MOXD1: variants seen among roughly 807,000 people sequenced by gnomAD.
MOXD1 encodes DBH-like monooxygenase protein 1.
Under a neutral mutation model 66.6 loss-of-function variants are expected in MOXD1, and 62 were observed. The ratio of observed to expected loss-of-function variants is 0.93; its 90% CI spans 0.76 to 1.15. MOXD1 has a LOEUF of 1.15. MOXD1 is among the 50% of genes most tolerant of loss of function. The pLI is 0.00. For synonymous variants in MOXD1, 303 were observed against 281.9 expected (o/e 1.07, Z -0.75); for missense variants, 847 against 754.6 (o/e 1.12, Z -1.44).
At chr6:132,351,990 T>G (rs1323691742) in intron 4 of MOXD1, among the ~76,000 whole-genome samples, 2 of 152,226 alleles carry the variant, frequency 1.3e-5, no homozygotes, top group Admixed American at 6.5e-5. Flanking sequence ...CCATTTTGTT[T>G]CTTAATGAGG....
At chr6:132,378,200 T>G (rs1301985092) in intron 1 of MOXD1, among the ~76,000 whole-genome samples, 2 of 152,180 alleles carry the variant, frequency 1.3e-5, no homozygotes, top group Non-Finnish European at 2.9e-5. Context: ...ATCTTCAGAT[T>G]TGACTATAAT....
At chr6:132,381,566 C>A (rs1210253494) in intron 1 of MOXD1, among the ~76,000 whole-genome samples, 1 of 151,978 alleles carries the variant, frequency 6.6e-6, no homozygotes, top group Admixed American at 6.6e-5. Flanking sequence ...AAGCAAGCCA[C>A]TGAAAGCACA....
chr6:132,336,824 C>G (rs1489044515), intron 4 of MOXD1, among the ~76,000 whole-genome samples: 2 of 152,210 alleles, frequency 1.3e-5, no homozygotes, highest in African/African-American at 4.8e-5. Context: ...ATCCCGAATT[C>G]TCATGCGTCT....
chr6:132,400,963 G>A (rs1777009997), intron 1 of MOXD1, among the ~76,000 whole-genome samples, 200 bp downstream of exon 1: 1 of 152,230 alleles, frequency 6.6e-6, no homozygotes, highest in African/African-American at 2.4e-5. Context: ...TCCGTGCTCG[G>A]CTTCCCTACC....
chr6:132,356,523 G>C (rs561558929), intron 4 of MOXD1, among the ~76,000 whole-genome samples: 1 of 152,112 alleles, frequency 6.6e-6, no homozygotes, highest in Non-Finnish European at 1.5e-5. Context: ...GCAATCTAGC[G>C]TATAGGAATG....
At position 132,297,330 on chromosome 6, in the gene MOXD1, G is replaced by A; in HGVS notation, c.1678-13C>T. On this transcript the variant is annotated splice_polypyrimidine_tract_variant and intron_variant, in intron 11 of 11. Coordinates refer to ENST00000367963, the MANE Select transcript of MOXD1 (RefSeq NM_015529.4). ...TCATTCCTTGAATCTGAAAATGGAA[G>A]CACAAACAATGCAAATGAACATCTG... is the stretch of plus-strand genomic sequence containing the variant. 2 of 1,610,916 alleles carry A rather than the reference G, an allele frequency of 1.2e-6. No homozygotes were observed. Among genetic ancestry groups the A allele is most frequent in the Non-Finnish European group, 1.7e-6 (2 of 1,178,256 alleles).
In MOXD1 at chr6:132,370,088, A is replaced by T. The variant is rs191357566; in HGVS notation, c.663+2520T>A. The stretch of plus-strand genomic sequence containing the variant: ...AAATCAATCTTCTCATTTCTGTGAA[A>T]GTACTTTTTGTTTGCAGAAGAAAAG... On this transcript the variant is annotated intron_variant, in intron 4 of 11. Coordinates refer to ENST00000367963, the MANE Select transcript of MOXD1 (RefSeq NM_015529.4). Among the ~76,000 whole-genome samples the T allele has an allele frequency of 1.6e-3, 242 of 152,276 alleles. 1 individual carries two copies. In the South Asian group the frequency reaches 0.016, roughly 10 times the overall value.
At chr6:132,371,947 T>C (rs1199109535) in intron 4 of MOXD1, among the ~76,000 whole-genome samples, 2 of 152,206 alleles carry the variant, frequency 1.3e-5, no homozygotes, top group Non-Finnish European at 2.9e-5. Flanking sequence ...GCATGGATCA[T>C]ACCTTTGGCC....
rs186800074 is a variant in MOXD1 at position 132,349,732 on chromosome 6, C to T, written c.664-21138G>A. On this transcript the variant is annotated intron_variant, in intron 4 of 11. Coordinates refer to ENST00000367963, the MANE Select transcript of MOXD1 (RefSeq NM_015529.4). Reference sequence around the variant, plus strand: ...CATAGTGGCCTTACTAGTTTACATTCCCACCAGCAGTGTAGAAGTGTTCCC... The same window carrying T: ...CATAGTGGCCTTACTAGTTTACATTTCCACCAGCAGTGTAGAAGTGTTCCC... Among the ~76,000 whole-genome samples the T allele has an allele frequency of 3.9e-5, 6 of 151,928 alleles. No homozygotes were observed. In the East Asian group the frequency reaches 5.8e-4, roughly 15 times the overall value.
chr6:132,297,786 C>G lies in MOXD1; in HGVS notation c.1677+1G>C. On this transcript the variant is annotated splice_donor_variant, in intron 11 of 11. Coordinates refer to ENST00000367963, the MANE Select transcript of MOXD1 (RefSeq NM_015529.4). LOFTEE classifies it high-confidence loss of function. ...GTTGTCAGAGGTTAAAAAGAGCTTA[C>G]CGACCACTCAGCATTGTCTGTCTTG... The G allele has an allele frequency of 1.3e-6, 2 of 1,592,096 alleles. No homozygotes were observed. The highest frequency in any genetic ancestry group is 1.7e-6 in the Non-Finnish European group (2 of 1,173,120).
chr6:132,392,313 TA>T (rs1393594292), intron 1 of MOXD1: 8 of 1,587,294 alleles, frequency 5.0e-6, no homozygotes, highest in Non-Finnish European at 6.9e-6. Context: ...TAAGAAATGA[TA>T]ACATATGTTT....
chr6:132,328,687 G>A, intron 4 of MOXD1, 93 bp from the exon 5 acceptor site: 2 of 1,174,856 alleles, frequency 1.7e-6, no homozygotes, highest in Admixed American at 4.7e-5. Flanking sequence ...ATTACTGTCA[G>A]TTTCTCAAAG....
intron 4 of MOXD1, among the ~76,000 whole-genome samples, chr6:132,356,936 T>G (rs981846475): frequency 6.6e-6 from 1 of 152,022 alleles, no homozygotes; most frequent in Non-Finnish European, 1.5e-5. Flanking sequence ...CTACTACTTT[T>G]TATTTTATAT....
chr6:132,349,292 G>T (rs114959401), intron 4 of MOXD1, among the ~76,000 whole-genome samples: 1,651 of 149,298 alleles, frequency 0.011, 33 homozygotes, highest in African/African-American at 0.039. Flanking sequence ...CATCCAGGTT[G>T]CTACAAGTGC....
intron 4 of MOXD1, among the ~76,000 whole-genome samples, chr6:132,332,482 C>A (rs1044944240): frequency 6.6e-6 from 1 of 152,132 alleles, no homozygotes; most frequent in African/African-American, 2.4e-5. Context: ...ACCTGACTAT[C>A]AAACTCCTGA....
intron 1 of MOXD1, among the ~76,000 whole-genome samples, chr6:132,380,164 T>C (rs1367696528): frequency 6.6e-6 from 1 of 152,250 alleles, no homozygotes; most frequent in African/African-American, 2.4e-5. Flanking sequence ...TCATTTTCAC[T>C]GTTCCTATCT....
At chr6:132,344,661 G>A (rs904697168) in intron 4 of MOXD1, among the ~76,000 whole-genome samples, 8 of 151,992 alleles carry the variant, frequency 5.3e-5, no homozygotes, top group South Asian at 4.1e-4. Context: ...GGTGTTTTAC[G>A]CTGTTGTACC....
chr6:132,369,614 A>T (rs908925135), intron 4 of MOXD1, among the ~76,000 whole-genome samples: 3 of 152,076 alleles, frequency 2.0e-5, no homozygotes, highest in Non-Finnish European at 4.4e-5. Context: ...AATAAGGGTG[A>T]CTTCAACACA....
chr6:132,356,098 GGGACGCAAA>G (rs1411528451), intron 4 of MOXD1, among the ~76,000 whole-genome samples: 1 of 152,128 alleles, frequency 6.6e-6, no homozygotes, highest in African/African-American at 2.4e-5. Context: ...TACCTGGGAG[GGGACGCAAA>G]GGACGCTTCT....
Sources: gnomAD v4.1 joint callset for allele counts (sites outside exome capture counted in the v4.1 genomes callset) on GRCh38, gnomAD v4.1.1 for gene constraint, MANE v1.5 for transcripts, NCBI Gene and HGNC (gene_info 2026-07-23, HGNC 2026-07-21) for gene names.